Variants in AFG2A observed in about 807,000 individuals in gnomAD.
The protein encoded by AFG2A is AAA ATPase AFG2A.
chr4:123,158,030 C>T, the AFG2A span, among the ~76,000 whole-genome samples: 2 of 152,104 alleles, frequency 1.3e-5, no homozygotes, highest in Non-Finnish European at 2.9e-5. Flanking sequence ...TTCAAATACA[C>T]ACACACACAC....
the AFG2A span, among the ~76,000 whole-genome samples, chr4:122,956,943 G>A: frequency 0.014 from 2,079 of 152,248 alleles, 47 homozygotes; most frequent in African/African-American, 0.047. Context: ...AATAGGTTTT[G>A]AGAGTTGGAC....
chr4:123,064,130 G>A, the AFG2A span, among the ~76,000 whole-genome samples: 1 of 152,136 alleles, frequency 6.6e-6, no homozygotes, highest in Non-Finnish European at 1.5e-5. Context: ...CTTCTCTTCT[G>A]TATGTTCATT....
chr4:123,295,397 T>C, the AFG2A span, among the ~76,000 whole-genome samples: 1 of 152,350 alleles, frequency 6.6e-6, no homozygotes, highest in Admixed American at 6.5e-5. Context: ...TCTTGAGACT[T>C]TGACTGACAT....
At chr4:123,247,241 G>GTGTGTGTA in the AFG2A span, among the ~76,000 whole-genome samples, 1 of 151,764 alleles carries the variant, frequency 6.6e-6, no homozygotes, top group Non-Finnish European at 1.5e-5. Flanking sequence ...GTGTGTGTGT[G>GTGTGTGTA]TGTATCACTA....
chr4:123,159,367 G>A, the AFG2A span, among the ~76,000 whole-genome samples: 1 of 152,066 alleles, frequency 6.6e-6, no homozygotes, highest in Non-Finnish European at 1.5e-5. Flanking sequence ...GGAGTATTTA[G>A]GACACATAGG....
the AFG2A span, among the ~76,000 whole-genome samples, chr4:123,134,566 G>T: frequency 6.7e-6 from 1 of 149,104 alleles, no homozygotes; most frequent in Non-Finnish European, 1.5e-5. Context: ...GACTATTCTG[G>T]GCCTTTGTGA....
At chr4:122,967,501 C>T in the AFG2A span, among the ~76,000 whole-genome samples, 521 of 152,146 alleles carry the variant, frequency 3.4e-3, 3 homozygotes, top group Middle Eastern at 0.014. Flanking sequence ...CAACCATATT[C>T]GTTTGTATAA....
chr4:123,170,195 C>G, the AFG2A span, among the ~76,000 whole-genome samples: 1 of 152,186 alleles, frequency 6.6e-6, no homozygotes, highest in African/African-American at 2.4e-5. Context: ...CCTCCTTTTC[C>G]TAATCTGAAT....
chr4:123,124,137 G>C, the AFG2A span, among the ~76,000 whole-genome samples: 2 of 151,752 alleles, frequency 1.3e-5, no homozygotes, highest in Non-Finnish European at 2.9e-5. Context: ...TCCATTACTG[G>C]GTATATACCC....
At chr4:123,023,605 A>G in the AFG2A span, among the ~76,000 whole-genome samples, 3 of 150,756 alleles carry the variant, frequency 2.0e-5, no homozygotes, top group African/African-American at 7.5e-5. Context: ...TAAATTATTT[A>G]CCTTTTCCAC....
At chr4:122,986,719 C>T in the AFG2A span, among the ~76,000 whole-genome samples, 2 of 152,038 alleles carry the variant, frequency 1.3e-5, no homozygotes, top group African/African-American at 4.8e-5. Context: ...AACCAAATAC[C>T]ACCTGTACCC....
the AFG2A span, among the ~76,000 whole-genome samples, chr4:123,164,181 A>G: frequency 2.4e-4 from 36 of 152,276 alleles, no homozygotes; most frequent in South Asian, 6.4e-3. Context: ...TGTGACCTCT[A>G]GTGATCCTTC....
At chr4:122,933,028 C>T in the AFG2A span, among the ~76,000 whole-genome samples, 1 of 152,166 alleles carries the variant, frequency 6.6e-6, no homozygotes, top group Non-Finnish European at 1.5e-5. Context: ...TTTGTATATA[C>T]ACATCCATAG....
chr4:122,976,614 C>T, the AFG2A span, among the ~76,000 whole-genome samples: 1 of 152,204 alleles, frequency 6.6e-6, no homozygotes, highest in South Asian at 2.1e-4. Flanking sequence ...TGACCCCTCA[C>T]TAGCCTCCCC....
At chr4:123,089,863 G>A in the AFG2A span, among the ~76,000 whole-genome samples, 6 of 152,044 alleles carry the variant, frequency 3.9e-5, no homozygotes, top group Admixed American at 1.3e-4. Flanking sequence ...TTTTACAGAC[G>A]TGAGCCACTG....
At chr4:123,010,562 G>GATATTAGAT in the AFG2A span, among the ~76,000 whole-genome samples, 1,762 of 152,210 alleles carry the variant, frequency 0.012, 50 homozygotes, top group South Asian at 0.11. Context: ...AAAATGAATG[G>GATATTAGAT]ATATTAGATA....
the AFG2A span, among the ~76,000 whole-genome samples, chr4:123,085,288 A>G: frequency 6.6e-6 from 1 of 152,164 alleles, no homozygotes; most frequent in African/African-American, 2.4e-5. Context: ...TCTATTTCTA[A>G]TAAAGTGATG....
chr4:123,063,090 T>C, the AFG2A span, among the ~76,000 whole-genome samples: 441 of 152,322 alleles, frequency 2.9e-3, 1 homozygote, highest in Non-Finnish European at 4.6e-3. Context: ...TGGATCAGTA[T>C]TGCCTATAAG....
the AFG2A span, among the ~76,000 whole-genome samples, chr4:123,039,078 C>G: frequency 6.6e-6 from 1 of 152,022 alleles, no homozygotes; most frequent in South Asian, 2.1e-4. Flanking sequence ...TAATCTTGTA[C>G]TTTCTAACAT....
Sources: allele counts gnomAD v4.1 joint callset (sites outside exome capture counted in the v4.1 genomes callset), GRCh38; gene constraint gnomAD v4.1.1; transcripts MANE v1.5; gene names NCBI Gene and HGNC (gene_info 2026-07-23, HGNC 2026-07-21).